The following PRPF18 variants were observed in gnomAD, a reference collection of about 807,000 sequenced individuals.
PRPF18 encodes the protein pre-mRNA processing factor 18.
PRPF18 carries 38 observed loss-of-function variants against 46.5 expected under a neutral mutation model. That is an observed-to-expected ratio of 0.82 (90% CI 0.63 to 1.07). The LOEUF is 1.07. Ranked by LOEUF, PRPF18 falls within the 50% of genes least tolerant of loss-of-function variation. The pLI is 0.00. For missense variants in PRPF18, 263 were observed against 410.0 expected (o/e 0.64, Z 3.10); for synonymous variants, 152 against 146.7 (o/e 1.04, Z -0.26).
intron 9 of PRPF18, among the ~76,000 whole-genome samples, chr10:13,618,524 G>GCCC (rs2080376971): frequency 6.7e-6 from 1 of 149,166 alleles, no homozygotes; most frequent in African/African-American, 2.5e-5. Flanking sequence ...TACCGGAGAG[G>GCCC]TTGAGGCAGA....
rs761280908 is a variant in PRPF18 at position 13,587,210 on chromosome 10, G to T, written c.66+58G>T. 5 of 1,538,640 alleles carry T rather than the reference G, an allele frequency of 3.2e-6. No homozygotes were observed. In the Admixed American group the frequency reaches 6.7e-5, roughly 21 times the overall value. ...TAAGAGTGAGAGTATGTGTGTCGGG[G>T]TTTTGGGGTGAGGGTGACGATACTC... On this transcript the variant is annotated intron_variant, in intron 1 of 9. Coordinates refer to ENST00000378572, the MANE Select transcript of PRPF18 (RefSeq NM_003675.4).
chr10:13,604,079 C>G (rs1020853293), intron 3 of PRPF18, among the ~76,000 whole-genome samples: 1 of 151,230 alleles, frequency 6.6e-6, no homozygotes, highest in South Asian at 2.1e-4. Flanking sequence ...GGATGTTTCA[C>G]GAAGAAATGT....
Position 13,630,294 on chromosome 10 carries a change from A to G in PRPF18, c.983A>G (p.His328Arg), listed in dbSNP as rs146926580. ...AGGTTAATGACCATTTGCCAGAAAC[A>G]CTTTCCTACAGACCCATCCAAATGT... ...LKRLMTICQK[H>R]FPTDPSKCVE... Residue 328 changes from histidine to arginine, a missense_variant, in exon 10 of 10, where the codon CAC (histidine) becomes CGC (arginine). By Grantham distance (29) the His-to-Arg change is conservative. Transcript: ENST00000378572. 4 of 1,612,782 alleles carry G rather than the reference A, an allele frequency of 2.5e-6. No homozygotes were observed. The highest frequency in any genetic ancestry group is 3.4e-6 in the Non-Finnish European group (4 of 1,178,782).
intron 4 of PRPF18, among the ~76,000 whole-genome samples, chr10:13,608,828 C>T (rs1455797641): frequency 1.3e-5 from 2 of 152,218 alleles, no homozygotes; most frequent in Non-Finnish European, 2.9e-5. Flanking sequence ...AGCACAAGGT[C>T]TGGATTCCAT....
chr10:13,600,978 A>G (rs1365160832), intron 3 of PRPF18, among the ~76,000 whole-genome samples: 4 of 152,014 alleles, frequency 2.6e-5, no homozygotes, highest in African/African-American at 7.3e-5. Flanking sequence ...ATGGGGTTTC[A>G]TCATGTTGGC....
At position 13,595,892 on chromosome 10, in the gene PRPF18, C is replaced by T. The variant is rs189302765; in HGVS notation, c.67-1566C>T. 5.9e-5 allele frequency among the ~76,000 whole-genome samples: 9 copies of T among 152,260 alleles called. No homozygotes were observed. In the East Asian group the frequency reaches 1.7e-3, roughly 29 times the overall value. On this transcript the variant is annotated intron_variant, in intron 1 of 9. Coordinates refer to ENST00000378572, the MANE Select transcript of PRPF18 (RefSeq NM_003675.4). ...ATTTTATGATGAGCCCCTGTATATCCTTCCCCTGAAACATGCAGCTCTAGA... is the reference window on the plus strand; with the variant it reads ...ATTTTATGATGAGCCCCTGTATATCTTTCCCCTGAAACATGCAGCTCTAGA...
chr10:13,605,948 A>G (rs1392375472), intron 4 of PRPF18, among the ~76,000 whole-genome samples: 3 of 152,246 alleles, frequency 2.0e-5, no homozygotes, highest in Non-Finnish European at 4.4e-5. Flanking sequence ...ATACAAGCAT[A>G]TAACCATTGC....
At chr10:13,649,073 C>T in the PRPF18 span, among the ~76,000 whole-genome samples, 3 of 152,184 alleles carry the variant, frequency 2.0e-5, no homozygotes, top group Non-Finnish European at 4.4e-5. Context: ...TATTAACATC[C>T]ACAGAACACA....
the PRPF18 span, chr10:13,655,786 C>G: frequency 6.6e-6 from 1 of 152,138 alleles, no homozygotes; most frequent in Non-Finnish European, 1.5e-5. Context: ...TCATTTTATT[C>G]TTATGATGTT....
chr10:13,610,004 A>G (rs761172346), intron 4 of PRPF18, 35 bp from the exon 5 acceptor site: 61 of 1,547,720 alleles, frequency 3.9e-5, no homozygotes, highest in Non-Finnish European at 2.7e-6. Flanking sequence ...TCTTCCTTTC[A>G]TAACAGGTGT....
chr10:13,591,731 A>C, intron 1 of PRPF18: 1 of 1,061,224 alleles, frequency 9.4e-7, no homozygotes, highest in South Asian at 1.3e-5. Flanking sequence ...ATTTTGGTTG[A>C]GGTGGCAATG....
chr10:13,629,967 G>C (rs2080571571), intron 9 of PRPF18, among the ~76,000 whole-genome samples: 1 of 152,202 alleles, frequency 6.6e-6, no homozygotes, highest in South Asian at 2.1e-4. Flanking sequence ...ACTGCTGTAA[G>C]ATATCCCATT....
intron 3 of PRPF18, among the ~76,000 whole-genome samples, chr10:13,603,316 G>GGTGGTT (rs2080142115): frequency 6.6e-6 from 1 of 151,924 alleles, no homozygotes; most frequent in Non-Finnish European, 1.5e-5. Context: ...TGGTGGTGGT[G>GGTGGTT]GTGGTATATT....
chr10:13,634,756 G>A (rs2080621489), downstream of PRPF18, among the ~76,000 whole-genome samples: 1 of 152,196 alleles, frequency 6.6e-6, no homozygotes, highest in Admixed American at 6.5e-5. Flanking sequence ...CATGTGCAAG[G>A]CACATTCTTA....
At chr10:13,610,213 C>T (rs778378387) in intron 5 of PRPF18, 28 bp downstream of exon 5, 9 of 1,598,810 alleles carry the variant, frequency 5.6e-6, no homozygotes, top group South Asian at 2.2e-5. Context: ...CCCAGCACAT[C>T]CCTGGCACCC....
chr10:13,647,591 G>A, the PRPF18 span: 1 of 152,184 alleles, frequency 6.6e-6, no homozygotes, highest in African/African-American at 2.4e-5. Flanking sequence ...TAGTGAAACT[G>A]CGGTGGTATT....
intron 1 of PRPF18, chr10:13,591,489 G>T: frequency 3.0e-6 from 2 of 656,310 alleles, no homozygotes; most frequent in African/African-American, 1.8e-5. Context: ...TAAATTCCAT[G>T]AGTCGGGGCA....
In PRPF18 at chr10:13,605,626, T is replaced by G; in HGVS notation, c.250-5T>G. The G allele has an allele frequency of 6.3e-7, 1 of 1,588,508 alleles. No individual in the cohort carries two copies. The highest frequency in any genetic ancestry group is 8.5e-7 in the Non-Finnish European group (1 of 1,170,898). ...AATTTACTGGGTATCTGTTTCACTTTGTAGGTCATCAGAAGATTGAGAGAA... is the reference window on the plus strand; with the variant it reads ...AATTTACTGGGTATCTGTTTCACTTGGTAGGTCATCAGAAGATTGAGAGAA... On this transcript the variant is annotated splice_polypyrimidine_tract_variant and splice_region_variant and intron_variant, in intron 3 of 9. Coordinates refer to ENST00000378572, the MANE Select transcript of PRPF18 (RefSeq NM_003675.4).
chr10:13,596,609 G>A (rs1183254022), intron 1 of PRPF18, among the ~76,000 whole-genome samples: 2 of 152,184 alleles, frequency 1.3e-5, no homozygotes, highest in Non-Finnish European at 2.9e-5. Flanking sequence ...AGGCAGAGCT[G>A]CGATGGCAAC....
Sources: gnomAD v4.1 joint callset for allele counts (sites outside exome capture counted in the v4.1 genomes callset) on GRCh38, gnomAD v4.1.1 for gene constraint, MANE v1.5 for transcripts, NCBI Gene and HGNC (gene_info 2026-07-23, HGNC 2026-07-21) for gene names.